ATM: variants seen among roughly 807,000 people sequenced by gnomAD.
The protein encoded by ATM is serine-protein kinase ATM.
ATM carries 308 observed loss-of-function variants against 387.0 expected under a neutral mutation model. The observed-to-expected ratio is 0.80, with a 90% CI of 0.73 to 0.87. ATM has a LOEUF of 0.87. Ranked by LOEUF, ATM falls within the 40% of genes least tolerant of loss-of-function variation. ATM has a pLI of 0.00. For missense variants in ATM, 3,312 were observed against 3,560.9 expected, an observed-to-expected ratio of 0.93 and a Z score of 1.78; for synonymous variants, 1,156 against 1,187.3, an observed-to-expected ratio of 0.97 and a Z score of 0.54.
chr11:108,321,615 T>G (rs550028519), intron 45 of ATM, among the ~76,000 whole-genome samples, 195 bp downstream of exon 45: 13 of 152,098 alleles, frequency 8.5e-5, no homozygotes, highest in Non-Finnish European at 4.4e-5. Context: ...AAACCCTATC[T>G]CTACTAAAAA....
chr11:108,308,693 G>A (rs565498411), intron 38 of ATM: 3 of 295,368 alleles, frequency 1.0e-5, no homozygotes, highest in Non-Finnish European at 2.0e-5. Flanking sequence ...GGTTGGTAAA[G>A]AATGAGAGGG....
rs772739433 is a variant in ATM at position 108,253,979 on chromosome 11, A to G, written c.2064A>G (p.Glu688=). The G allele has an allele frequency of 3.7e-6, 6 of 1,614,076 alleles. No homozygotes were observed. Among genetic ancestry groups the G allele is most frequent in the Non-Finnish European group, 5.1e-6 (6 of 1,179,980 alleles). Residue 688 remains glutamate (E), a synonymous_variant, in exon 13 of 63, where the codon GAA becomes GAG. Coordinates refer to ENST00000675843, the MANE Select transcript of ATM (RefSeq NM_000051.4). ...IGFSVHQNLK[E]SLDRCLLGLS... is the part of the protein sequence containing the mutation. ...TCTCTGTCCACCAGAATCTCAAGGAATCACTGGATCGCTGTCTTCTGGGAT... is the reference window on the plus strand; with the variant it reads ...TCTCTGTCCACCAGAATCTCAAGGAGTCACTGGATCGCTGTCTTCTGGGAT...
intron 31 of ATM, 32 bp from the exon 32 acceptor site, chr11:108,294,895 G>T: frequency 6.2e-7 from 1 of 1,611,120 alleles, no homozygotes; most frequent in South Asian, 1.1e-5. Flanking sequence ...TAACCAATAC[G>T]TGTTAAAAGC....
At chr11:108,250,611 A>G in intron 9 of ATM, 90 bp from the exon 10 acceptor site, 3 of 1,334,052 alleles carry the variant, frequency 2.2e-6, no homozygotes, top group South Asian at 2.5e-5. Context: ...TCTAATTAGG[A>G]TATTGTAAGA....
chr11:108,325,650 C>T, intron 46 of ATM, 106 bp downstream of exon 46: 1 of 972,748 alleles, frequency 1.0e-6, no homozygotes, highest in Non-Finnish European at 1.5e-6. Context: ...AGATAGAGAT[C>T]TCTATTAATA....
At chr11:108,228,947 A>G (rs1307157941) in intron 3 of ATM, among the ~76,000 whole-genome samples, 1 of 152,234 alleles carries the variant, frequency 6.6e-6, no homozygotes, top group Non-Finnish European at 1.5e-5. Flanking sequence ...CAGTAAAGCA[A>G]TAGAAAGTCA....
At chr11:108,248,586 A>G (rs1394788593) in intron 8 of ATM, among the ~76,000 whole-genome samples, 2 of 152,068 alleles carry the variant, frequency 1.3e-5, no homozygotes, top group Non-Finnish European at 2.9e-5. Context: ...AGAAGACAAT[A>G]GCAATGAAAA....
Position 108,279,444 on chromosome 11 carries a change from GA to G in ATM, c.3285-43del, listed in dbSNP as rs1565438799. On this transcript the variant is annotated intron_variant, in intron 22 of 62. Coordinates refer to ENST00000675843, the MANE Select transcript of ATM (RefSeq NM_000051.4). Reference sequence around the variant, plus strand: ...CTTTGGAAAGTAGGGTTTGAAATTAGAAAATTATTTCACTTTTTGTTTGTTT... The same window carrying G: ...CTTTGGAAAGTAGGGTTTGAAATTAGAAATTATTTCACTTTTTGTTTGTTT... The G allele has an allele frequency of 2.9e-6, 4 of 1,383,424 alleles. No homozygotes were observed. The Admixed American group carries it at 7.8e-5, about 27-fold the overall frequency. The allele number at this position is 1,383,424 out of a possible 1,614,324, so 85.7% of individuals were successfully genotyped here. A position where few individuals can be genotyped will look rare whatever the true frequency, so the allele number is the denominator to read the frequency against.
chr11:108,352,083 C>T (rs192575393), intron 59 of ATM, among the ~76,000 whole-genome samples: 6 of 152,086 alleles, frequency 3.9e-5, no homozygotes, highest in Non-Finnish European at 1.5e-5. Flanking sequence ...TCCTGAGTCT[C>T]GTAATAACTA....
intron 16 of ATM, among the ~76,000 whole-genome samples, chr11:108,259,381 C>T (rs1383890109): frequency 2.0e-5 from 3 of 152,124 alleles, no homozygotes; most frequent in South Asian, 2.1e-4. Flanking sequence ...CCCAGCTACT[C>T]GGGAGGCTGA....
chr11:108,293,366 C>G lies in ATM; in HGVS notation c.4665C>G (p.Leu1555=), dbSNP rs374431061. 6.3e-7 allele frequency: 1 copy of G among 1,596,206 alleles called. No homozygotes were observed. The highest frequency in any genetic ancestry group is 8.6e-7 in the Non-Finnish European group (1 of 1,164,336). ...TAGATAACAAGGATAATGAAAACCT[C>G]TATATCACGATTAAGCTTTTAGATC... ...LVIDNKDNEN[L]YITIKLLDPF... is the part of the protein sequence containing the mutation. Residue 1555 remains leucine, a synonymous_variant, in exon 31 of 63, where the codon CTC becomes CTG. Transcript: ENST00000675843.
At chr11:108,314,613 G>A (rs1344766233) in intron 40 of ATM, among the ~76,000 whole-genome samples, 2 of 152,084 alleles carry the variant, frequency 1.3e-5, no homozygotes, top group Non-Finnish European at 2.9e-5. Context: ...ATATACAGTT[G>A]ACCCTTGAAC....
At chr11:108,269,213 A>T (rs2081435346) in intron 18 of ATM, among the ~76,000 whole-genome samples, 1 of 152,152 alleles carries the variant, frequency 6.6e-6, no homozygotes, top group Non-Finnish European at 1.5e-5. Context: ...GGAAGTTAAC[A>T]TTTTGTCATT....
intron 35 of ATM, 54 bp from the exon 36 acceptor site, chr11:108,302,799 G>A (rs2083491947): frequency 2.0e-6 from 3 of 1,496,100 alleles, no homozygotes; most frequent in Admixed American, 3.4e-5. Flanking sequence ...GTGTAGGAAA[G>A]GTACAATGAT....
chr11:108,253,866 C>T lies in ATM; in HGVS notation c.1951C>T (p.Leu651=), dbSNP rs1057521751. 1 of 1,613,796 alleles carries T rather than the reference C, an allele frequency of 6.2e-7. No individual in the cohort carries two copies. The highest frequency in any genetic ancestry group is 1.7e-5 in the Admixed American group (1 of 59,982). The change falls in exon 13 of 63, where the codon CTA becomes TTA. Residue 651 remains leucine, a synonymous_variant. Transcript: ENST00000675843. The stretch of plus-strand genomic sequence containing the variant: ...ACTTTCATTCTCAGAAGTAGAAGAA[C>T]TATTTCTTCAGACAACTTTTGACAA... ...EELSFSEVEE[L]FLQTTFDKMD...
chr11:108,256,081 A>G (rs2080459776), intron 13 of ATM, 134 bp from the exon 14 acceptor site: 1 of 748,158 alleles, frequency 1.3e-6, no homozygotes, highest in Non-Finnish European at 1.9e-6. Context: ...AGAGCTATCC[A>G]GGATATGCCA....
chr11:108,299,609 C>T, intron 33 of ATM, 105 bp from the exon 34 acceptor site: 1 of 1,209,084 alleles, frequency 8.3e-7, no homozygotes, highest in Non-Finnish European at 1.2e-6. Flanking sequence ...AAGGTTAATT[C>T]TTGAAGTACA....
intron 11 of ATM, 102 bp downstream of exon 11, chr11:108,252,133 A>T (rs752618952): frequency 2.0e-6 from 2 of 997,964 alleles, no homozygotes; most frequent in Admixed American, 2.2e-5. Context: ...ATAATAATGC[A>T]GAATTTCCCA....
chr11:108,330,123 T>C, intron 49 of ATM, 91 bp from the exon 50 acceptor site: 1 of 1,442,488 alleles, frequency 6.9e-7, no homozygotes, highest in Non-Finnish European at 9.5e-7. Flanking sequence ...AAAACCCAAC[T>C]TTTTTCATTA....
Sources: allele counts gnomAD v4.1 joint callset (sites outside exome capture counted in the v4.1 genomes callset), GRCh38; gene constraint gnomAD v4.1.1; transcripts MANE v1.5; gene names NCBI Gene and HGNC (gene_info 2026-07-23, HGNC 2026-07-21).